YY1AP1: variants seen among roughly 807,000 people sequenced by gnomAD.
YY1AP1 encodes the protein YY1-associated protein 1.
A neutral mutation model predicts 39.9 loss-of-function variants in YY1AP1; 43 were observed. The observed-to-expected ratio is 1.08, with a 90% CI of 0.84 to 1.39. YY1AP1 has a LOEUF of 1.39. Among genes scored for constraint, YY1AP1 ranks in the 40% most tolerant of loss-of-function variants. YY1AP1 has a pLI of 0.00. For missense variants in YY1AP1, 813 were observed against 900.7 expected, an observed-to-expected ratio of 0.90 and a Z score of 1.25; for synonymous variants, 292 against 331.3, an observed-to-expected ratio of 0.88 and a Z score of 1.29.
At chr1:155,667,101 G>A (rs1004013012) in intron 9 of YY1AP1, among the ~76,000 whole-genome samples, 15 of 152,238 alleles carry the variant, frequency 9.9e-5, no homozygotes, top group African/African-American at 3.1e-4. Context: ...TTGGAAGAAT[G>A]CTTGAGCCTA....
chr1:155,688,079 A>C lies in YY1AP1; in HGVS notation c.-29T>G. The C allele has an allele frequency of 6.3e-7, 1 of 1,585,478 alleles. No homozygotes were observed. Among genetic ancestry groups the C allele is most frequent in the Non-Finnish European group, 8.6e-7 (1 of 1,161,978 alleles). ...CAAATCGTTCTACTCACCGTGTCGG[A>C]GGCCGAGAGCGATGAGAGTACAGGG... On this transcript the variant is annotated 5_prime_UTR_variant, in exon 2 of 11. Coordinates refer to ENST00000355499, the MANE Select transcript of YY1AP1 (RefSeq NM_139119.3).
chr1:155,682,812 G>A (rs781038947), intron 2 of YY1AP1, among the ~76,000 whole-genome samples: 5 of 152,002 alleles, frequency 3.3e-5, no homozygotes, highest in African/African-American at 7.2e-5. Context: ...TCTTCTGGGC[G>A]TGGTGGCTCC....
chr1:155,660,960 GA>G (rs1395871010), intron 10 of YY1AP1, 47 bp from the exon 11 acceptor site: 1 of 1,612,874 alleles, frequency 6.2e-7, no homozygotes, highest in Admixed American at 1.7e-5. Context: ...CAGAATTTGG[GA>G]AAAAGAATAG....
intron 7 of YY1AP1, 100 bp from the exon 8 acceptor site, chr1:155,670,564 T>C: frequency 1.6e-6 from 2 of 1,282,846 alleles, no homozygotes; most frequent in East Asian, 2.4e-5. Flanking sequence ...GCTGTCCTTA[T>C]CTAACTTGAT....
rs368390671 is a variant in YY1AP1, at chr1:155,678,692, G to C, written c.125+717C>G. On this transcript the variant is annotated intron_variant, in intron 4 of 10. Transcript: ENST00000355499. ...TCACTAAATTGGAAAATCCCTAAAG[G>C]TCTAGCTTTCAGATGGAACCCAAGC... Among the ~76,000 whole-genome samples, 4 of 152,210 alleles carry C rather than the reference G, an allele frequency of 2.6e-5. No homozygotes were observed. The East Asian group carries it at 7.7e-4, about 29-fold the overall frequency.
Position 155,659,615 on chromosome 1 carries a change from C to T in YY1AP1, c.*42G>A, listed in dbSNP as rs201532179. The stretch of plus-strand genomic sequence containing the variant: ...ACCCTATGCGCCACCAATCGGAGGC[C>T]GAAGTGAAGGCTCCCAGTCTCCAGA... On this transcript the variant is annotated 3_prime_UTR_variant, in exon 11 of 11. Transcript: ENST00000355499. 6.9e-5 allele frequency: 111 copies of T among 1,608,666 alleles called. No individual in the cohort carries two copies. Among genetic ancestry groups the T allele is most frequent in the Non-Finnish European group, 8.7e-5 (102 of 1,177,138 alleles).
chr1:155,678,199 G>A (rs1651002331), intron 4 of YY1AP1, among the ~76,000 whole-genome samples: 1 of 152,160 alleles, frequency 6.6e-6, no homozygotes, highest in Non-Finnish European at 1.5e-5. Flanking sequence ...CACTGTACAG[G>A]TTTTGTAGCC....
intron 2 of YY1AP1, 141 bp from the exon 3 acceptor site, chr1:155,680,597 C>CAGGA: frequency 1.5e-6 from 1 of 682,448 alleles, no homozygotes; most frequent in Non-Finnish European, 2.5e-6. Flanking sequence ...GACAGGGTCT[C>CAGGA]ACTCTGTCAC....
In YY1AP1 at chr1:155,688,688, ACCT is replaced by A. The variant is rs1267304800; in HGVS notation, c.-184_-182del. On this transcript the variant is annotated 5_prime_UTR_variant, in exon 1 of 11. Coordinates refer to ENST00000355499, the MANE Select transcript of YY1AP1 (RefSeq NM_139119.3). ...AGCGGCGCGAGCCCAAGCCTTCTCC[ACCT>A]CCTCTTCTCTCCTCCCCCTCCCTCC... 8 of 1,523,636 alleles carry A rather than the reference ACCT, an allele frequency of 5.3e-6. No homozygotes were observed. In the East Asian group the frequency reaches 1.7e-4, roughly 33 times the overall value. 94.4% of individuals were successfully genotyped at this position (1,523,636 alleles called of 1,614,324 possible). A position where few individuals can be genotyped will look rare whatever the true frequency, so the allele number is the denominator to read the frequency against.
intron 7 of YY1AP1, among the ~76,000 whole-genome samples, chr1:155,671,878 T>C (rs1649918221): frequency 6.6e-6 from 1 of 152,194 alleles, no homozygotes; most frequent in Non-Finnish European, 1.5e-5. Context: ...TGATAAGACT[T>C]AGGGATTTAA....
chr1:155,680,380 A>G, intron 3 of YY1AP1, 36 bp downstream of exon 3: 2 of 1,611,852 alleles, frequency 1.2e-6, no homozygotes, highest in Non-Finnish European at 1.7e-6. Context: ...GAACCAACTT[A>G]CAATCCCATG....
At chr1:155,669,667 A>T (rs2149041470) in intron 8 of YY1AP1, among the ~76,000 whole-genome samples, 1 of 152,326 alleles carries the variant, frequency 6.6e-6, no homozygotes, top group South Asian at 2.1e-4. Flanking sequence ...AACATATATA[A>T]TCATGGTTAC....
chr1:155,676,310 C>A (rs535332474), intron 5 of YY1AP1, among the ~76,000 whole-genome samples: 1 of 152,276 alleles, frequency 6.6e-6, no homozygotes, highest in South Asian at 2.1e-4. Context: ...ACTGAGGACT[C>A]TTTGAAATCT....
intron 2 of YY1AP1, among the ~76,000 whole-genome samples, chr1:155,686,708 A>T (rs1350939823): frequency 1.3e-5 from 2 of 152,238 alleles, no homozygotes; most frequent in African/African-American, 4.8e-5. Context: ...TCCCTCACGC[A>T]TACAACCTTA....
At chr1:155,683,064 C>T (rs749834694) in intron 2 of YY1AP1, among the ~76,000 whole-genome samples, 7 of 150,906 alleles carry the variant, frequency 4.6e-5, no homozygotes, top group South Asian at 2.1e-4. Context: ...CCAGCCTGGG[C>T]GACAAGAGCG....
intron 2 of YY1AP1, among the ~76,000 whole-genome samples, chr1:155,681,967 G>C (rs1173155363): frequency 6.6e-6 from 1 of 151,404 alleles, no homozygotes; most frequent in Non-Finnish European, 1.5e-5. Context: ...TTACAGACAT[G>C]AGCCACCCCA....
At chr1:155,668,494 A>G (rs1649381839) in intron 9 of YY1AP1, 133 bp downstream of exon 9, 2 of 1,384,322 alleles carry the variant, frequency 1.4e-6, no homozygotes, top group Non-Finnish European at 2.0e-6. Context: ...CAACAGGGGA[A>G]TTAATCTAGT....
Position 155,670,346 on chromosome 1 carries a change from C to T in YY1AP1, c.702G>A (p.Lys234=), listed in dbSNP as rs1181610432. The T allele has an allele frequency of 1.3e-5, 21 of 1,612,496 alleles. No individual in the cohort carries two copies. Among genetic ancestry groups the T allele is most frequent in the Non-Finnish European group, 1.7e-5 (20 of 1,179,924 alleles). ...CSLKAKNPQD[K]ILFTKAEDNL... is the part of the protein sequence containing the mutation. ...TGTCCTCAGCCTTGGTGAAGAGGAT[C>T]TTATCCTGGGGATTCTTTGCCTTCA... The change falls in exon 8 of 11, where the codon AAG becomes AAA. Residue 234 remains lysine (K), a synonymous_variant. Coordinates refer to ENST00000355499, the MANE Select transcript of YY1AP1 (RefSeq NM_139119.3).
intron 9 of YY1AP1, among the ~76,000 whole-genome samples, chr1:155,665,066 G>A (rs1289710938): frequency 6.6e-6 from 1 of 151,386 alleles, no homozygotes; most frequent in East Asian, 2.0e-4. Context: ...CACTGCGCCC[G>A]GCCCCGGAGA....
Sources: allele counts gnomAD v4.1 joint callset (sites outside exome capture counted in the v4.1 genomes callset), GRCh38; gene constraint gnomAD v4.1.1; transcripts MANE v1.5; gene names NCBI Gene and HGNC (gene_info 2026-07-23, HGNC 2026-07-21).